Variants in IQCM observed in about 807,000 individuals in gnomAD.
IQCM encodes the protein IQ motif containing M.
A neutral mutation model predicts 57.6 loss-of-function variants in IQCM; 45 were observed. The ratio of observed to expected loss-of-function variants is 0.78; its 90% CI spans 0.62 to 1.00. The LOEUF (loss-of-function observed/expected upper bound fraction) is 1.00. Among genes scored for constraint, IQCM ranks in the 50% least tolerant of loss-of-function variants. The pLI, the probability that IQCM is intolerant of heterozygous loss-of-function variation, is 0.00. For missense variants in IQCM, 468 were observed against 511.6 expected (o/e 0.91, Z 0.82); for synonymous variants, 148 against 158.9 (o/e 0.93, Z 0.51).
intron 2 of IQCM, among the ~76,000 whole-genome samples, chr4:149,807,558 C>CTTTTGT (rs1774199319): frequency 3.3e-5 from 5 of 151,966 alleles, no homozygotes; most frequent in African/African-American, 1.2e-4. Context: ...AAAGCACAGG[C>CTTTTGT]AATCACAGCA....
chr4:149,378,227 A>G (rs1730827943), intron 13 of IQCM, among the ~76,000 whole-genome samples: 1 of 152,180 alleles, frequency 6.6e-6, no homozygotes, highest in Non-Finnish European at 1.5e-5. Context: ...GGACTAACAC[A>G]GTAAATTGGT....
intron 11 of IQCM, among the ~76,000 whole-genome samples, chr4:149,550,599 C>G (rs1366389272): frequency 2.0e-5 from 3 of 152,048 alleles, no homozygotes; most frequent in African/African-American, 7.2e-5. Context: ...AAACTTTCAG[C>G]AACATGCAAG....
intron 7 of IQCM, among the ~76,000 whole-genome samples, chr4:149,670,848 A>G (rs1260642584): frequency 6.6e-6 from 1 of 151,982 alleles, no homozygotes; most frequent in Non-Finnish European, 1.5e-5. Context: ...TGGTGGATAA[A>G]TATTTTGATG....
At chr4:149,386,319 A>G (rs1331694444) in intron 13 of IQCM, among the ~76,000 whole-genome samples, 1 of 152,058 alleles carries the variant, frequency 6.6e-6, no homozygotes, top group Non-Finnish European at 1.5e-5. Flanking sequence ...ATAAAATTTT[A>G]ATCACAATTA....
chr4:149,646,412 T>C (rs1286688519), intron 7 of IQCM, among the ~76,000 whole-genome samples: 3 of 152,074 alleles, frequency 2.0e-5, no homozygotes, highest in Non-Finnish European at 2.9e-5. Flanking sequence ...TTTTCCAGAA[T>C]ATTTTTATTA....
chr4:149,468,391 C>T (rs767796218), intron 12 of IQCM, among the ~76,000 whole-genome samples: 7 of 152,212 alleles, frequency 4.6e-5, no homozygotes, highest in Non-Finnish European at 1.0e-4. Flanking sequence ...GCACAGTAGT[C>T]TGAGATCAAA....
rs529448779 is a variant in IQCM at position 149,683,615 on chromosome 4, C to T, written c.477-1409G>A. Among the ~76,000 whole-genome samples the T allele has an allele frequency of 2.2e-4, 34 of 151,308 alleles. No homozygotes were observed. In the South Asian group the frequency reaches 4.8e-3, roughly 21 times the overall value. ...TAAAATTCCATTTGAAATTCTATAA[C>T]GTTTTTATATATCACCAAGAATGGG... On this transcript the variant is annotated intron_variant, in intron 6 of 13. Coordinates refer to ENST00000636793, the MANE Select transcript of IQCM (RefSeq NM_001363507.2).
chr4:149,754,787 A>T (rs553983631), intron 2 of IQCM, among the ~76,000 whole-genome samples: 1 of 152,270 alleles, frequency 6.6e-6, no homozygotes, highest in East Asian at 1.9e-4. Flanking sequence ...TTTGTGATTT[A>T]GTCCTGGCTC....
intron 11 of IQCM, among the ~76,000 whole-genome samples, chr4:149,550,447 T>C (rs558821855): frequency 6.6e-6 from 1 of 152,200 alleles, no homozygotes; most frequent in Non-Finnish European, 1.5e-5. Flanking sequence ...ATTAAGTAAA[T>C]GTATTTCTCC....
At chr4:149,366,689 TAAAC>T (rs1729866849) in intron 13 of IQCM, among the ~76,000 whole-genome samples, 1 of 151,734 alleles carries the variant, frequency 6.6e-6, no homozygotes, top group African/African-American at 2.4e-5. Context: ...CCAAGCCAAA[TAAAC>T]AAACAGAAGA....
intron 7 of IQCM, chr4:149,666,191 A>C (rs952267689): frequency 6.6e-6 from 1 of 152,504 alleles, no homozygotes; most frequent in South Asian, 2.1e-4. Context: ...TGTGAGACCA[A>C]TGCAGAAGGT....
chr4:149,758,491 A>C (rs1404964744), intron 2 of IQCM, among the ~76,000 whole-genome samples: 2 of 152,194 alleles, frequency 1.3e-5, no homozygotes, highest in Non-Finnish European at 2.9e-5. Flanking sequence ...TATTTTATTA[A>C]AATAAAAACT....
chr4:149,812,286 G>T (rs915659240), intron 2 of IQCM, among the ~76,000 whole-genome samples: 2 of 152,076 alleles, frequency 1.3e-5, no homozygotes, highest in African/African-American at 4.8e-5. Context: ...TTGTGGAAGT[G>T]ACCCTTTTTA....
chr4:149,436,327 A>G (rs576565993), intron 12 of IQCM, among the ~76,000 whole-genome samples: 44 of 152,270 alleles, frequency 2.9e-4, no homozygotes, highest in African/African-American at 1.1e-3. Context: ...AGTGGTGAAT[A>G]TAGAACTGCC....
At chr4:149,697,164 T>C (rs937742562) in intron 5 of IQCM, among the ~76,000 whole-genome samples, 4 of 152,166 alleles carry the variant, frequency 2.6e-5, no homozygotes, top group African/African-American at 9.7e-5. Context: ...ATCTAACTTA[T>C]GCCTATCTCT....
intron 7 of IQCM, among the ~76,000 whole-genome samples, chr4:149,635,967 T>A (rs1757681504): frequency 6.6e-6 from 1 of 152,166 alleles, no homozygotes; most frequent in South Asian, 2.1e-4. Context: ...TCAAATGCAT[T>A]ACACCAACTT....
At chr4:149,606,390 C>T (rs997998933) in intron 8 of IQCM, among the ~76,000 whole-genome samples, 10 of 152,140 alleles carry the variant, frequency 6.6e-5, no homozygotes, top group African/African-American at 1.7e-4. Flanking sequence ...CCTTAGGTCA[C>T]AACACTCAGT....
intron 12 of IQCM, among the ~76,000 whole-genome samples, chr4:149,513,217 G>C (rs375982225): frequency 6.6e-6 from 1 of 152,152 alleles, no homozygotes; most frequent in Non-Finnish European, 1.5e-5. Context: ...AGTGAGGAGA[G>C]AGAGCTGGAT....
intron 9 of IQCM, among the ~76,000 whole-genome samples, chr4:149,571,537 A>T (rs1302272357): frequency 1.3e-5 from 2 of 152,086 alleles, no homozygotes; most frequent in Non-Finnish European, 2.9e-5. Flanking sequence ...AATGGTATTT[A>T]CATAGGCGGA....
Sources: gnomAD v4.1 joint callset for allele counts (sites outside exome capture counted in the v4.1 genomes callset) on GRCh38, gnomAD v4.1.1 for gene constraint, MANE v1.5 for transcripts, NCBI Gene and HGNC (gene_info 2026-07-23, HGNC 2026-07-21) for gene names.